SCFD2: variants seen among roughly 807,000 people sequenced by gnomAD.
SCFD2 encodes sec1 family domain-containing protein 2.
A neutral mutation model predicts 58.9 loss-of-function variants in SCFD2; 54 were observed. The ratio of observed to expected loss-of-function variants is 0.92; its 90% confidence interval spans 0.74 to 1.15. The LOEUF (loss-of-function observed/expected upper bound fraction) is 1.15. SCFD2 is among the 50% of genes most tolerant of loss of function. The pLI is 0.00. For missense variants in SCFD2, 805 were observed against 836.6 expected (o/e 0.96, Z 0.47); for synonymous variants, 321 against 335.9 (o/e 0.96, Z 0.49).
chr4:53,244,704 C>T (rs1460568725), intron 4 of SCFD2, among the ~76,000 whole-genome samples: 1 of 151,662 alleles, frequency 6.6e-6, no homozygotes, highest in Non-Finnish European at 1.5e-5. Flanking sequence ...CAAGAGAAAA[C>T]CAACTCCAAA....
intron 6 of SCFD2, among the ~76,000 whole-genome samples, chr4:52,918,315 T>C (rs560789885): frequency 1.3e-5 from 2 of 152,344 alleles, no homozygotes; most frequent in East Asian, 3.8e-4. Context: ...ATAAATCTCC[T>C]GATCTGTAAT....
chr4:53,236,131 C>T (rs1285536605), intron 4 of SCFD2, among the ~76,000 whole-genome samples: 2 of 152,134 alleles, frequency 1.3e-5, no homozygotes, highest in Admixed American at 1.3e-4. Flanking sequence ...CACCCTTAAT[C>T]TGGTGGGCAC....
intron 5 of SCFD2, among the ~76,000 whole-genome samples, chr4:53,132,349 C>T (rs1422219302): frequency 1.3e-5 from 2 of 152,050 alleles, no homozygotes; most frequent in African/African-American, 4.8e-5. Context: ...TGTTCTTCGT[C>T]AGAGTTTCCA....
At chr4:53,059,801 T>C in intron 5 of SCFD2, among the ~76,000 whole-genome samples, 1 of 152,274 alleles carries the variant, frequency 6.6e-6, no homozygotes, top group Non-Finnish European at 1.5e-5. Flanking sequence ...TATATTTTTG[T>C]TAAAAGCATT....
chr4:53,308,160 T>C (rs1732573940), intron 3 of SCFD2, among the ~76,000 whole-genome samples: 1 of 152,208 alleles, frequency 6.6e-6, no homozygotes, highest in Non-Finnish European at 1.5e-5. Flanking sequence ...TTTAAAAAAT[T>C]ACCAAATTTA....
chr4:53,295,449 G>T (rs1731993506), intron 3 of SCFD2, among the ~76,000 whole-genome samples: 2 of 152,076 alleles, frequency 1.3e-5, no homozygotes, highest in Admixed American at 1.3e-4. Flanking sequence ...GTCTGTTATT[G>T]GTGTATAGGA....
chr4:53,232,819 C>T (rs1199392486), intron 4 of SCFD2, among the ~76,000 whole-genome samples: 2 of 152,172 alleles, frequency 1.3e-5, no homozygotes, highest in Admixed American at 6.5e-5. Flanking sequence ...AGGTTCTGCT[C>T]AGCACTCTTC....
intron 5 of SCFD2, among the ~76,000 whole-genome samples, chr4:52,943,665 G>A (rs1023579271): frequency 1.1e-4 from 17 of 152,098 alleles, no homozygotes; most frequent in African/African-American, 4.1e-4. Flanking sequence ...GAGGAGCTTT[G>A]TTGGTCTAAT....
intron 5 of SCFD2, among the ~76,000 whole-genome samples, chr4:52,945,437 A>G (rs943300966): frequency 2.0e-5 from 3 of 152,180 alleles, no homozygotes; most frequent in African/African-American, 7.2e-5. Context: ...CTCCCCCTCA[A>G]CACATATATT....
At chr4:52,880,110 A>G (rs1315560408) in intron 8 of SCFD2, among the ~76,000 whole-genome samples, 8 of 152,080 alleles carry the variant, frequency 5.3e-5, no homozygotes, top group African/African-American at 1.7e-4. Flanking sequence ...TGACCTGACT[A>G]CCGCTGCCTC....
chr4:53,239,127 G>A (rs1268017909), intron 4 of SCFD2, among the ~76,000 whole-genome samples: 1 of 150,828 alleles, frequency 6.6e-6, no homozygotes, highest in African/African-American at 2.4e-5. Flanking sequence ...AGGAGGCCGA[G>A]GCTGGTGGAT....
At chr4:53,263,490 G>T (rs1472241340) in intron 4 of SCFD2, among the ~76,000 whole-genome samples, 1 of 152,192 alleles carries the variant, frequency 6.6e-6, no homozygotes. Flanking sequence ...GGCTTCCTGA[G>T]AGCTGCACTA....
At chr4:53,040,121 G>C (rs1188851092) in intron 5 of SCFD2, among the ~76,000 whole-genome samples, 2 of 152,176 alleles carry the variant, frequency 1.3e-5, no homozygotes, top group Non-Finnish European at 2.9e-5. Flanking sequence ...GGGTGAGTAT[G>C]TTCTGAAATC....
rs116485722 is a variant in SCFD2 at position 53,347,632 on chromosome 4, T to A, written c.1007+4966A>T. 4.3e-3 allele frequency among the ~76,000 whole-genome samples: 662 copies of A among 152,190 alleles called. 3 individuals carry two copies. The highest frequency in any genetic ancestry group is 6.9e-3 in the Non-Finnish European group (471 of 68,010). The stretch of plus-strand genomic sequence containing the variant: ...GCCAAGTGTGTATCTGCAGGAATAA[T>A]GATCTGAGTCAGAGGAACTTTAAGA... On this transcript the variant is annotated intron_variant, in intron 2 of 8. Coordinates refer to ENST00000401642, the MANE Select transcript of SCFD2 (RefSeq NM_152540.4).
At chr4:53,362,858 G>A (rs1352925719) in intron 1 of SCFD2, among the ~76,000 whole-genome samples, 1 of 152,172 alleles carries the variant, frequency 6.6e-6, no homozygotes, top group East Asian at 1.9e-4. Context: ...CTACATAGGT[G>A]AAAAAGTTGG....
chr4:53,326,886 A>G (rs1449921198), intron 2 of SCFD2, among the ~76,000 whole-genome samples: 1 of 152,194 alleles, frequency 6.6e-6, no homozygotes, highest in African/African-American at 2.4e-5. Context: ...TAACAAATTA[A>G]ATCCATGACT....
chr4:52,998,819 TAAC>T (rs1474282111), intron 5 of SCFD2, among the ~76,000 whole-genome samples: 2 of 152,264 alleles, frequency 1.3e-5, no homozygotes, highest in South Asian at 4.1e-4. Context: ...ATAATAATAT[TAAC>T]AATAATGACA....
intron 2 of SCFD2, among the ~76,000 whole-genome samples, chr4:53,320,372 T>C (rs1732989639): frequency 6.6e-6 from 1 of 152,224 alleles, no homozygotes; most frequent in Non-Finnish European, 1.5e-5. Context: ...ATCCCAGCAC[T>C]TTGGGAGGCC....
intron 5 of SCFD2, among the ~76,000 whole-genome samples, chr4:52,976,016 C>A (rs990542478): frequency 2.3e-4 from 25 of 110,238 alleles, no homozygotes; most frequent in African/African-American, 7.9e-4. Context: ...CACACTGGGG[C>A]CTGTTGTGGG....
Sources: gnomAD v4.1 joint callset for allele counts (sites outside exome capture counted in the v4.1 genomes callset) on GRCh38, gnomAD v4.1.1 for gene constraint, MANE v1.5 for transcripts, NCBI Gene and HGNC (gene_info 2026-07-23, HGNC 2026-07-21) for gene names.